Variants in CASK observed in about 807,000 individuals in gnomAD.
CASK encodes peripheral plasma membrane protein CASK.
In CASK, 4 loss-of-function variants were observed where a neutral mutation model predicts 82.9. That is an observed-to-expected ratio of 0.05 (90% CI 0.02 to 0.11). The LOEUF (loss-of-function observed/expected upper bound fraction) is 0.11. Ranked by LOEUF, CASK falls within the 10% of genes least tolerant of loss-of-function variation. CASK has a pLI of 1.00. For synonymous variants in CASK, 259 were observed against 253.5 expected (o/e 1.02, Z -0.20); for missense variants, 358 against 720.9 (o/e 0.50, Z 5.76).
At chrX:41,540,692 A>G (rs1188129414) in intron 22 of CASK, among the ~76,000 whole-genome samples, 2 of 112,419 alleles carry the variant, frequency 1.8e-5, no homozygotes, top group African/African-American at 6.5e-5. Flanking sequence ...GAATCAGAGA[A>G]TGGGAGCAAT....
intron 2 of CASK, 93 bp from the exon 3 acceptor site, chrX:41,787,376 G>A: frequency 1.7e-6 from 1 of 574,905 alleles, no homozygotes. Flanking sequence ...ATGGTAACAT[G>A]GATACTTCTC....
At chrX:41,854,449 G>A (rs1043034131) in intron 1 of CASK, among the ~76,000 whole-genome samples, 1 of 112,173 alleles carries the variant, frequency 8.9e-6, no homozygotes, top group Non-Finnish European at 1.9e-5. Flanking sequence ...GTATACATGC[G>A]TGTATTTTCC....
chrX:41,675,145 T>C (rs150267537), intron 5 of CASK, among the ~76,000 whole-genome samples: 1,541 of 112,239 alleles, frequency 0.014, 12 homozygotes, highest in South Asian at 0.022. Context: ...AGCAGGTAAC[T>C]TTACAAATAA....
At chrX:41,637,104 G>A (rs775686441) in intron 8 of CASK, among the ~76,000 whole-genome samples, 2 of 109,981 alleles carry the variant, frequency 1.8e-5, no homozygotes, top group South Asian at 7.9e-4. Flanking sequence ...GGATATAAGT[G>A]CACCAGCCTG....
intron 5 of CASK, among the ~76,000 whole-genome samples, chrX:41,692,202 C>A (rs1202975593): frequency 8.9e-6 from 1 of 112,273 alleles, no homozygotes; most frequent in East Asian, 2.8e-4. Flanking sequence ...AATGGTTTGG[C>A]CATCTAGCTT....
intron 14 of CASK, among the ~76,000 whole-genome samples, chrX:41,582,928 C>G (rs1447287759): frequency 9.0e-6 from 1 of 111,671 alleles, no homozygotes; most frequent in Non-Finnish European, 1.9e-5. Flanking sequence ...TGTTAGCTTA[C>G]TTGCTCATTG....
At chrX:41,886,227 T>C (rs927530858) in intron 1 of CASK, among the ~76,000 whole-genome samples, 3 of 111,858 alleles carry the variant, frequency 2.7e-5, no homozygotes, top group African/African-American at 9.7e-5. Context: ...GGGTAATATA[T>C]TTTAAAAAGT....
At chrX:41,765,234 T>A (rs1242559990) in intron 3 of CASK, among the ~76,000 whole-genome samples, 1 of 112,223 alleles carries the variant, frequency 8.9e-6, no homozygotes, top group African/African-American at 3.2e-5. Context: ...AATTTATCTA[T>A]GACTCTCTTT....
rs749010152 is a variant in CASK at position 41,665,178 on chromosome X, G to T, written c.708+99C>A. On this transcript the variant is annotated intron_variant, in intron 7 of 26. Coordinates refer to ENST00000378163, the MANE Select transcript of CASK (RefSeq NM_001367721.1). ...TTTTCTCTGATGGGGTAACTACCTG[G>T]CAGTCAATTAGTGGGCAAAGACAGA... is the stretch of plus-strand genomic sequence containing the variant. 2.7e-5 allele frequency: 19 copies of T among 705,037 alleles called. No homozygotes were observed. The African/African-American group carries it at 3.6e-4, about 13-fold the overall frequency. The allele number at this position is 705,037 out of a possible 1,213,427, so 58.1% of individuals were successfully genotyped here.
chrX:41,599,576 G>A (rs1039410974), intron 12 of CASK, among the ~76,000 whole-genome samples: 13 of 111,671 alleles, frequency 1.2e-4, no homozygotes, highest in Non-Finnish European at 2.4e-4. Flanking sequence ...TTAGAACATC[G>A]CACTTACAGG....
intron 21 of CASK, among the ~76,000 whole-genome samples, chrX:41,545,226 C>A (rs2065006242): frequency 9.0e-6 from 1 of 111,664 alleles, no homozygotes; most frequent in South Asian, 3.7e-4. Context: ...TGGGGTTTCA[C>A]CATGTCGGCC....
At chrX:41,691,066 G>A (rs2067547053) in intron 5 of CASK, among the ~76,000 whole-genome samples, 1 of 112,272 alleles carries the variant, frequency 8.9e-6, no homozygotes, top group South Asian at 3.7e-4. Context: ...CACTGGCTTT[G>A]CTTTATGCTC....
At chrX:41,546,702 T>A (rs1484628495) in intron 21 of CASK, among the ~76,000 whole-genome samples, 1 of 110,729 alleles carries the variant, frequency 9.0e-6, no homozygotes, top group Admixed American at 9.6e-5. Flanking sequence ...GGTCTTGAAC[T>A]CCTGGCCTCA....
At position 41,526,437 on chromosome X, in the gene CASK, C is replaced by G. The variant is rs1191517717; in HGVS notation, c.2521-2403G>C. On this transcript the variant is annotated intron_variant, in intron 25 of 26. Transcript: ENST00000378163. ...TTTTTTTCTGCACTCAGTGGCCCAG[C>G]CTGCCAGCTACCCAGTCCTTATCAT... Among the ~76,000 whole-genome samples the G allele has an allele frequency of 1.8e-4, 20 of 112,311 alleles. No homozygotes were observed. In the Admixed American group the frequency reaches 1.9e-3, roughly 11 times the overall value.
chrX:41,816,163 A>T (rs1472157407), intron 2 of CASK, among the ~76,000 whole-genome samples: 2 of 112,177 alleles, frequency 1.8e-5, no homozygotes, highest in Admixed American at 1.9e-4. Flanking sequence ...AAAAAACAAA[A>T]TTTTTTAATT....
intron 11 of CASK, among the ~76,000 whole-genome samples, chrX:41,612,680 G>A (rs1459520988): frequency 1.1e-5 from 1 of 89,242 alleles, no homozygotes; most frequent in Non-Finnish European, 2.2e-5. Flanking sequence ...CGCCCGGCCA[G>A]CCGCCCCGTC....
intron 7 of CASK, among the ~76,000 whole-genome samples, chrX:41,663,184 C>T (rs2067062752): frequency 9.0e-6 from 1 of 111,569 alleles, no homozygotes; most frequent in Admixed American, 9.6e-5. Context: ...ATTCTCTCTA[C>T]TATTTTTGTT....
intron 1 of CASK, among the ~76,000 whole-genome samples, chrX:41,892,594 C>T (rs757716606): frequency 5.8e-4 from 65 of 111,582 alleles, no homozygotes; most frequent in Non-Finnish European, 1.0e-3. Context: ...CTCAGCCTCC[C>T]GAAGTGCTGA....
chrX:41,698,525 A>C (rs1602487600), intron 5 of CASK, among the ~76,000 whole-genome samples: 1 of 111,676 alleles, frequency 9.0e-6, no homozygotes, highest in East Asian at 2.8e-4. Context: ...GATAGGGAGA[A>C]AGGGAAGGAA....
Sources: allele counts gnomAD v4.1 joint callset (sites outside exome capture counted in the v4.1 genomes callset), GRCh38; gene constraint gnomAD v4.1.1; transcripts MANE v1.5; gene names NCBI Gene and HGNC (gene_info 2026-07-23, HGNC 2026-07-21).